Variants in IGSF5 observed in about 807,000 individuals in gnomAD.
IGSF5 encodes the protein immunoglobulin superfamily member 5, also known as immunoglobulin superfamily 5 like.
IGSF5 carries 41 observed loss-of-function variants against 39.4 expected under a neutral mutation model. That is an observed-to-expected ratio of 1.04 (90% confidence interval 0.81 to 1.35). The LOEUF (loss-of-function observed/expected upper bound fraction) is 1.35. Ranked by LOEUF, IGSF5 falls within the 40% of genes most tolerant of loss-of-function variation. The pLI is 0.00. For missense variants in IGSF5, 487 were observed against 494.6 expected, an observed-to-expected ratio of 0.98 and a Z score of 0.15; for synonymous variants, 183 against 175.3, an observed-to-expected ratio of 1.04 and a Z score of -0.34.
the IGSF5 span, among the ~76,000 whole-genome samples, chr21:39,726,875 A>G: frequency 0.2 from 31,074 of 152,176 alleles, 3,891 homozygotes; most frequent in South Asian, 0.39. Flanking sequence ...CCATGAATGC[A>G]TGACTGTGGG....
the IGSF5 span, among the ~76,000 whole-genome samples, chr21:39,718,457 C>T: frequency 1.3e-5 from 2 of 152,072 alleles, no homozygotes; most frequent in African/African-American, 4.8e-5. Context: ...CCAGCTTTTG[C>T]CCATTCGGTA....
At chr21:39,773,463 C>A (rs918892427) in intron 4 of IGSF5, among the ~76,000 whole-genome samples, 26 of 107,920 alleles carry the variant, frequency 2.4e-4, no homozygotes, top group Non-Finnish European at 4.6e-4. Flanking sequence ...GACTTCCCTC[C>A]CCTTTCTTCC....
chr21:39,779,055 C>A, intron 4 of IGSF5, 35 bp from the exon 5 acceptor site: 1 of 1,605,392 alleles, frequency 6.2e-7, no homozygotes, highest in Non-Finnish European at 8.5e-7. Context: ...CTAGGCAGTG[C>A]AAGTATCACT....
the IGSF5 span, among the ~76,000 whole-genome samples, chr21:39,738,586 C>A: frequency 6.6e-6 from 1 of 151,968 alleles, no homozygotes; most frequent in Non-Finnish European, 1.5e-5. The surrounding 1 kb of genome is among the most constrained non-coding windows in gnomAD (Gnocchi z 6.4). Context: ...AAGTGGAGAC[C>A]CAAACAAGTG....
chr21:39,781,738 C>A (rs946955750), intron 5 of IGSF5, among the ~76,000 whole-genome samples: 2 of 152,196 alleles, frequency 1.3e-5, no homozygotes, highest in African/African-American at 4.8e-5. Context: ...TGAGGTTGAA[C>A]TACTGTTCCA....
At chr21:39,742,826 T>C (rs1387371969), upstream of IGSF5, among the ~76,000 whole-genome samples, 1 of 152,140 alleles carries the variant, frequency 6.6e-6, no homozygotes, top group Non-Finnish European at 1.5e-5. Flanking sequence ...CCTCCTGATC[T>C]CTATTATAAA....
Position 39,745,418 on chromosome 21 carries a change from C to G in IGSF5, c.-92C>G. 1 of 687,178 alleles carries G rather than the reference C, an allele frequency of 1.5e-6. No individual in the cohort carries two copies. The highest frequency in any genetic ancestry group is 2.7e-6 in the Non-Finnish European group (1 of 376,222). 42.6% of individuals were successfully genotyped at this position (687,178 alleles called of 1,614,324 possible). On this transcript the variant is annotated 5_prime_UTR_variant, in exon 1 of 9. Transcript: ENST00000380588. ...AAATGAAAGTCTGAACCATTAGTACCTAGGAGGCAGGGATCAGAGGAAGTA... is the reference window on the plus strand; with the variant it reads ...AAATGAAAGTCTGAACCATTAGTACGTAGGAGGCAGGGATCAGAGGAAGTA...
chr21:39,800,132 C>CT (rs1314198583), intron 8 of IGSF5, among the ~76,000 whole-genome samples: 12 of 152,140 alleles, frequency 7.9e-5, no homozygotes, highest in Admixed American at 3.9e-4. Context: ...GAAAGGCATG[C>CT]TTTTTTATTT....
At chr21:39,773,121 C>T (rs1365812404) in intron 4 of IGSF5, among the ~76,000 whole-genome samples, 2 of 152,106 alleles carry the variant, frequency 1.3e-5, no homozygotes, top group African/African-American at 2.4e-5. Context: ...GCTTCTCTCC[C>T]TCCTCCCACC....
chr21:39,771,302 TG>T (rs1387457904), intron 4 of IGSF5, 87 bp downstream of exon 4: 1 of 1,281,114 alleles, frequency 7.8e-7, no homozygotes, highest in Admixed American at 2.8e-5. Context: ...CCACGATGCC[TG>T]GAAAAATCAT....
At chr21:39,739,586 T>C in the IGSF5 span, among the ~76,000 whole-genome samples, 1 of 152,172 alleles carries the variant, frequency 6.6e-6, no homozygotes, top group Non-Finnish European at 1.5e-5. Context: ...CAGCTAGTCC[T>C]GTCTGTCAGT....
At chr21:39,720,130 G>A in the IGSF5 span, among the ~76,000 whole-genome samples, 1 of 152,052 alleles carries the variant, frequency 6.6e-6, no homozygotes, top group African/African-American at 2.4e-5. Context: ...TGAGGGAGAC[G>A]GTTTCAGGAT....
chr21:39,742,092 G>A (rs1425669501), upstream of IGSF5, among the ~76,000 whole-genome samples: 1 of 151,700 alleles, frequency 6.6e-6, no homozygotes, highest in Admixed American at 6.6e-5. Context: ...GACAAAATGG[G>A]CATTCTTTGC....
intron 6 of IGSF5, among the ~76,000 whole-genome samples, chr21:39,790,295 A>T (rs2146293246): frequency 6.6e-6 from 1 of 152,342 alleles, no homozygotes; most frequent in South Asian, 2.1e-4. Context: ...TTCTGGGCAC[A>T]TATGCAATTT....
chr21:39,779,038 T>G, intron 4 of IGSF5, 52 bp from the exon 5 acceptor site: 1 of 1,577,006 alleles, frequency 6.3e-7, no homozygotes. Context: ...GGGCAGAATC[T>G]GTGATTCTAG....
chr21:39,800,196 A>T (rs970440269), intron 8 of IGSF5, among the ~76,000 whole-genome samples: 1 of 152,234 alleles, frequency 6.6e-6, no homozygotes, highest in Non-Finnish European at 1.5e-5. Context: ...AATATTTAAA[A>T]CAAAGAATCC....
chr21:39,793,389 G>A, intron 7 of IGSF5, 145 bp from the exon 8 acceptor site: 1 of 570,762 alleles, frequency 1.8e-6, no homozygotes, highest in Non-Finnish European at 3.1e-6. Flanking sequence ...GGATCTCAAG[G>A]GAATTTAAAA....
chr21:39,795,135 C>A (rs936358277), intron 8 of IGSF5, among the ~76,000 whole-genome samples: 11 of 152,170 alleles, frequency 7.2e-5, no homozygotes, highest in Admixed American at 1.3e-4. Flanking sequence ...TGACTTTCCT[C>A]AGGCCGGGTG....
chr21:39,768,642 A>T (rs1048117440), intron 3 of IGSF5, among the ~76,000 whole-genome samples: 1 of 152,198 alleles, frequency 6.6e-6, no homozygotes, highest in African/African-American at 2.4e-5. Flanking sequence ...AGACAATATC[A>T]TTCCTCCCAG....
Sources: allele counts gnomAD v4.1 joint callset (sites outside exome capture counted in the v4.1 genomes callset), GRCh38; gene constraint gnomAD v4.1.1; non-coding constraint Gnocchi (gnomAD v3.1); transcripts MANE v1.5; gene names NCBI Gene and HGNC (gene_info 2026-07-23, HGNC 2026-07-21).